The following CNTLN variants were observed in gnomAD, a reference collection of about 807,000 sequenced individuals.
CNTLN encodes the protein centlein, centrosomal protein.
Under a neutral mutation model 180.0 loss-of-function variants are expected in CNTLN, and 212 were observed. That is an observed-to-expected ratio of 1.18 (90% CI 1.05 to 1.32). The LOEUF (loss-of-function observed/expected upper bound fraction) is 1.32, where lower values mean the gene tolerates loss of function less well. Among genes scored for constraint, CNTLN ranks in the 40% most tolerant of loss-of-function variants. The probability of loss-of-function intolerance (pLI) is 0.00; values close to 1 mark genes in which losing one functional copy is unlikely to be tolerated. For synonymous variants in CNTLN, 722 were observed against 563.1 expected, an observed-to-expected ratio of 1.28 and a Z score of -3.99; for missense variants, 2,095 against 1,610.9, an observed-to-expected ratio of 1.30 and a Z score of -5.14.
chr9:17,178,523 G>T (rs1820884676), intron 2 of CNTLN, among the ~76,000 whole-genome samples: 1 of 152,128 alleles, frequency 6.6e-6, no homozygotes, highest in South Asian at 2.1e-4. Context: ...GGGGCGGGGG[G>T]TGCATGGGGG....
At chr9:17,324,091 G>A (rs1186248585) in intron 8 of CNTLN, among the ~76,000 whole-genome samples, 1 of 152,154 alleles carries the variant, frequency 6.6e-6, no homozygotes, top group African/African-American at 2.4e-5. Context: ...AGATGATAAT[G>A]TATAACAAGC....
At chr9:17,197,365 A>C (rs914595979) in intron 2 of CNTLN, among the ~76,000 whole-genome samples, 1 of 152,048 alleles carries the variant, frequency 6.6e-6, no homozygotes, top group Admixed American at 6.6e-5. Context: ...TGTCATTTTG[A>C]TTTGCATTTC....
chr9:17,525,540 C>T, the CNTLN span, among the ~76,000 whole-genome samples: 26 of 152,254 alleles, frequency 1.7e-4, no homozygotes, highest in African/African-American at 6.3e-4. Flanking sequence ...ATAATTCAAA[C>T]TTTCCTACAT....
At chr9:17,291,254 AT>A (rs1563963056) in intron 6 of CNTLN, among the ~76,000 whole-genome samples, 4 of 152,124 alleles carry the variant, frequency 2.6e-5, no homozygotes, top group Non-Finnish European at 5.9e-5. Flanking sequence ...GCTATGTGCT[AT>A]GTGTCGCCAA....
At chr9:17,486,818 T>C (rs1832913904) in intron 24 of CNTLN, among the ~76,000 whole-genome samples, 171 bp from the exon 25 acceptor site, 1 of 152,200 alleles carries the variant, frequency 6.6e-6, no homozygotes, top group Admixed American at 6.5e-5. Flanking sequence ...TACGTATCGA[T>C]AAATTAAATT....
chr9:17,166,431 A>T (rs1036197574), intron 2 of CNTLN, among the ~76,000 whole-genome samples: 5 of 152,196 alleles, frequency 3.3e-5, no homozygotes, highest in African/African-American at 1.2e-4. Context: ...ACAGAGAAAA[A>T]TGGACATTTT....
intron 7 of CNTLN, chr9:17,298,735 T>C (rs950801601): frequency 1.0e-6 from 1 of 989,464 alleles, no homozygotes; most frequent in Non-Finnish European, 1.2e-6. Flanking sequence ...AATTTGTACA[T>C]TATTTTTCGG....
chr9:17,154,930 A>G lies in CNTLN; in HGVS notation c.449+11554A>G, dbSNP rs374590919. On this transcript the variant is annotated intron_variant, in intron 2 of 25. Coordinates refer to ENST00000380647, the MANE Select transcript of CNTLN (RefSeq NM_017738.4). ...TTCACAATAAATCTTGCTGCTGCTC[A>G]CTCTTTGGGTCCGCACTACCTTTGT... Among the ~76,000 whole-genome samples, 21 of 151,956 alleles carry G rather than the reference A, an allele frequency of 1.4e-4. No individual in the cohort carries two copies. The East Asian group carries it at 1.6e-3, about 11-fold the overall frequency.
chr9:17,441,701 C>T (rs1436524926), intron 18 of CNTLN, among the ~76,000 whole-genome samples: 1 of 151,638 alleles, frequency 6.6e-6, no homozygotes, highest in Non-Finnish European at 1.5e-5. Flanking sequence ...AATTTTTTCA[C>T]CATCAGTAAT....
chr9:17,521,442 G>A, the CNTLN span, among the ~76,000 whole-genome samples: 2 of 152,180 alleles, frequency 1.3e-5, no homozygotes, highest in Non-Finnish European at 2.9e-5. Context: ...AGAAAAGGAC[G>A]ACTAGCAAGA....
At chr9:17,255,433 C>T (rs938880431) in intron 5 of CNTLN, among the ~76,000 whole-genome samples, 8 of 148,428 alleles carry the variant, frequency 5.4e-5, no homozygotes, top group Admixed American at 2.0e-4. Flanking sequence ...TTTTCTGTAT[C>T]GAGTGAAATG....
chr9:17,269,005 G>A (rs10962984), intron 5 of CNTLN, among the ~76,000 whole-genome samples: 25,018 of 151,836 alleles, frequency 0.16, 2,221 homozygotes, highest in South Asian at 0.28. Flanking sequence ...GCCATGCCTC[G>A]CCCTGCTCTG....
At chr9:17,269,029 G>A (rs911588423) in intron 5 of CNTLN, among the ~76,000 whole-genome samples, 5 of 152,006 alleles carry the variant, frequency 3.3e-5, no homozygotes, top group African/African-American at 1.2e-4. Flanking sequence ...AGCGCACGGT[G>A]CGCTGCACCC....
intron 1 of CNTLN, among the ~76,000 whole-genome samples, chr9:17,142,157 C>G (rs902947058): frequency 1.3e-5 from 2 of 152,016 alleles, no homozygotes; most frequent in Non-Finnish European, 2.9e-5. Context: ...CCCTAACACC[C>G]GGCTCATAGG....
chr9:17,146,572 A>G (rs2131467308), intron 2 of CNTLN, among the ~76,000 whole-genome samples: 1 of 152,230 alleles, frequency 6.6e-6, no homozygotes, highest in South Asian at 2.1e-4. Flanking sequence ...CCATGTGAGG[A>G]TACAGAAGGT....
At chr9:17,317,310 AC>A (rs1345956405) in intron 8 of CNTLN, among the ~76,000 whole-genome samples, 1 of 152,236 alleles carries the variant, frequency 6.6e-6, no homozygotes, top group Non-Finnish European at 1.5e-5. Flanking sequence ...TATGGAAGAT[AC>A]AGACAGGTAA....
At chr9:17,410,806 G>A (rs1827789215) in intron 16 of CNTLN, among the ~76,000 whole-genome samples, 1 of 152,044 alleles carries the variant, frequency 6.6e-6, no homozygotes, top group Non-Finnish European at 1.5e-5. Flanking sequence ...ATTCAAAGGT[G>A]CCACCTTTAT....
At chr9:17,242,821 G>C (rs993436523) in intron 5 of CNTLN, among the ~76,000 whole-genome samples, 1 of 152,098 alleles carries the variant, frequency 6.6e-6, no homozygotes, top group African/African-American at 2.4e-5. Flanking sequence ...TTTTTGATGT[G>C]TCTTTGTCTG....
chr9:17,389,434 C>G (rs1254117572), intron 14 of CNTLN, among the ~76,000 whole-genome samples: 1 of 152,000 alleles, frequency 6.6e-6, no homozygotes, highest in Non-Finnish European at 1.5e-5. Context: ...TATTTCTTGC[C>G]TTAGGGTAGA....
Sources: gnomAD v4.1 joint callset for allele counts (sites outside exome capture counted in the v4.1 genomes callset) on GRCh38, gnomAD v4.1.1 for gene constraint, MANE v1.5 for transcripts, NCBI Gene and HGNC (gene_info 2026-07-23, HGNC 2026-07-21) for gene names.